DGKB: variants seen among roughly 807,000 people sequenced by gnomAD.
DGKB encodes diacylglycerol kinase beta.
DGKB carries 67 observed loss-of-function variants against 114.3 expected under a neutral mutation model. The ratio of observed to expected loss-of-function variants is 0.59; its 90% CI spans 0.48 to 0.72. The LOEUF is 0.72. Among genes scored for constraint, DGKB ranks in the 30% least tolerant of loss-of-function variants. The pLI is 0.00. For missense variants in DGKB, 907 were observed against 975.2 expected, an observed-to-expected ratio of 0.93 and a Z score of 0.93; for synonymous variants, 398 against 323.1, an observed-to-expected ratio of 1.23 and a Z score of -2.49.
intron 21 of DGKB, among the ~76,000 whole-genome samples, chr7:14,470,304 C>T (rs1328683618): frequency 6.6e-6 from 1 of 151,686 alleles, no homozygotes; most frequent in Non-Finnish European, 1.5e-5. Context: ...TCCTGTTTAC[C>T]TAGTTGGCTA....
intron 2 of DGKB, among the ~76,000 whole-genome samples, chr7:14,827,019 T>C (rs116013062): frequency 1.7e-3 from 265 of 152,160 alleles, no homozygotes; most frequent in African/African-American, 5.9e-3. Context: ...GCTAAAACAA[T>C]GGCATTGCCA....
chr7:14,332,171 T>C (rs1291059017), intron 23 of DGKB, among the ~76,000 whole-genome samples: 1 of 152,210 alleles, frequency 6.6e-6, no homozygotes, highest in Non-Finnish European at 1.5e-5. Context: ...TGCTACGTAC[T>C]GGCCCCTATT....
chr7:14,603,916 C>T (rs1804010990), intron 17 of DGKB, among the ~76,000 whole-genome samples: 2 of 152,146 alleles, frequency 1.3e-5, no homozygotes, highest in South Asian at 2.1e-4. Flanking sequence ...AGTAATGTCA[C>T]AAGTATACAA....
Position 14,347,773 on chromosome 7 carries a change from AGAG to A in DGKB, c.1836-2385_1836-2383del, listed in dbSNP as rs577682908. Among the ~76,000 whole-genome samples the A allele has an allele frequency of 2.5e-3, 387 of 152,188 alleles. 3 individuals are homozygous for A. Among genetic ancestry groups the A allele is most frequent in the African/African-American group, 8.8e-3 (367 of 41,544 alleles). On this transcript the variant is annotated intron_variant, in intron 21 of 25. Coordinates refer to ENST00000402815, the MANE Select transcript of DGKB (RefSeq NM_001350709.2). ...ATGTATTATATATTTGAAATTAACT[AGAG>A]TAGTAGATTGTAAGTTTCTATGTGA...
chr7:14,283,351 A>G (rs1380135388), intron 23 of DGKB, among the ~76,000 whole-genome samples: 1 of 151,504 alleles, frequency 6.6e-6, no homozygotes, highest in African/African-American at 2.4e-5. Flanking sequence ...CCACTGCTCA[A>G]GGAACTAAAA....
intron 2 of DGKB, 59 bp downstream of exon 2, chr7:14,841,135 A>G: frequency 1.4e-6 from 2 of 1,406,028 alleles, no homozygotes; most frequent in Non-Finnish European, 9.9e-7. Context: ...TTATAAATAA[A>G]TGATACTTTG....
chr7:14,642,177 T>C lies in DGKB; in HGVS notation c.1135-11909A>G, dbSNP rs113356489. Among the ~76,000 whole-genome samples, 1,106 of 145,326 alleles carry C rather than the reference T, an allele frequency of 7.6e-3. 11 individuals carry two copies. The highest frequency in any genetic ancestry group is 0.026 in the African/African-American group (1,041 of 40,658). ...ATAGTTAGTTTCTGCTAAAACATTA[T>C]TTTTTTCTATACTCTTTCTTAATTC... On this transcript the variant is annotated intron_variant, in intron 13 of 25. Transcript: ENST00000402815.
intron 5 of DGKB, among the ~76,000 whole-genome samples, chr7:14,732,074 T>C (rs537106733): frequency 6.6e-6 from 1 of 152,168 alleles, no homozygotes; most frequent in Non-Finnish European, 1.5e-5. Context: ...CATATGCATA[T>C]GTATAAATAC....
chr7:14,444,390 T>C (rs975114287), intron 21 of DGKB, among the ~76,000 whole-genome samples: 30 of 151,934 alleles, frequency 2.0e-4, no homozygotes, highest in African/African-American at 7.2e-4. Context: ...AGCAATATCC[T>C]GTATGACAAA....
At chr7:14,430,438 A>G (rs1252495252) in intron 21 of DGKB, among the ~76,000 whole-genome samples, 1 of 152,192 alleles carries the variant, frequency 6.6e-6, no homozygotes, top group Non-Finnish European at 1.5e-5. Context: ...CTGGATCCAA[A>G]ATCATGATTG....
At chr7:14,548,793 T>G (rs1279986960) in intron 20 of DGKB, among the ~76,000 whole-genome samples, 2 of 151,894 alleles carry the variant, frequency 1.3e-5, no homozygotes, top group Non-Finnish European at 2.9e-5. Flanking sequence ...ATTGCAACAG[T>G]AAGAGGTAAT....
chr7:14,370,517 G>A (rs938791633), intron 21 of DGKB, among the ~76,000 whole-genome samples: 4 of 152,144 alleles, frequency 2.6e-5, no homozygotes, highest in Non-Finnish European at 4.4e-5. Context: ...ACTTTGGGCA[G>A]TATGGCCATT....
At chr7:14,961,068 A>C (rs539976400) in intron 1 of DGKB, among the ~76,000 whole-genome samples, 35 of 151,820 alleles carry the variant, frequency 2.3e-4, no homozygotes, top group African/African-American at 8.0e-4. Context: ...AAGGAGAAAA[A>C]GCATACAAAT....
At chr7:14,864,478 C>T (rs1420420984) in intron 1 of DGKB, among the ~76,000 whole-genome samples, 1 of 152,052 alleles carries the variant, frequency 6.6e-6, no homozygotes, top group Non-Finnish European at 1.5e-5. Flanking sequence ...GTAAATGAAA[C>T]ACAATATTTG....
At chr7:14,271,444 T>G (rs745576342) in intron 23 of DGKB, among the ~76,000 whole-genome samples, 7 of 152,204 alleles carry the variant, frequency 4.6e-5, no homozygotes, top group Non-Finnish European at 5.9e-5. Flanking sequence ...TACCTGTCAT[T>G]ACACAGGCTG....
chr7:14,632,214 T>C (rs1391465198), intron 13 of DGKB, among the ~76,000 whole-genome samples: 2 of 151,922 alleles, frequency 1.3e-5, no homozygotes, highest in Admixed American at 1.3e-4. Flanking sequence ...ACTGTAGACA[T>C]TTGAATATGG....
intron 7 of DGKB, among the ~76,000 whole-genome samples, chr7:14,700,566 G>A (rs1477039943): frequency 1.3e-5 from 2 of 152,104 alleles, no homozygotes; most frequent in African/African-American, 2.4e-5. Flanking sequence ...CACAATCACA[G>A]CATCAATTCA....
intron 2 of DGKB, among the ~76,000 whole-genome samples, chr7:14,788,111 G>T (rs1334027289): frequency 2.0e-5 from 3 of 152,222 alleles, no homozygotes; most frequent in African/African-American, 7.2e-5. Flanking sequence ...GTATCCTCTG[G>T]TACCTTTATC....
At chr7:14,943,937 T>G (rs1195970725) in intron 1 of DGKB, among the ~76,000 whole-genome samples, 1 of 151,920 alleles carries the variant, frequency 6.6e-6, no homozygotes, top group Non-Finnish European at 1.5e-5. Context: ...GGATCACTCT[T>G]AACTCACTAC....
Sources: gnomAD v4.1 joint callset for allele counts (sites outside exome capture counted in the v4.1 genomes callset) on GRCh38, gnomAD v4.1.1 for gene constraint, MANE v1.5 for transcripts, NCBI Gene and HGNC (gene_info 2026-07-23, HGNC 2026-07-21) for gene names.